Variants in NCKAP5 observed in about 807,000 individuals in gnomAD.
NCKAP5 encodes the protein nck-associated protein 5.
A neutral mutation model predicts 167.0 loss-of-function variants in NCKAP5; 92 were observed. The ratio of observed to expected loss-of-function variants is 0.55; its 90% CI spans 0.47 to 0.66. The LOEUF (loss-of-function observed/expected upper bound fraction) is 0.66. Among genes scored for constraint, NCKAP5 ranks in the 30% least tolerant of loss-of-function variants. The pLI is 0.00. For synonymous variants in NCKAP5, 891 were observed against 877.4 expected (o/e 1.02, Z -0.27); for missense variants, 2,378 against 2,315.0 (o/e 1.03, Z -0.56).
intron 5 of NCKAP5, among the ~76,000 whole-genome samples, chr2:133,144,120 C>T (rs936914529): frequency 6.6e-5 from 10 of 151,998 alleles, no homozygotes; most frequent in Non-Finnish European, 1.3e-4. Flanking sequence ...CTTGTTAGGC[C>T]AAGATTATCA....
chr2:133,181,929 G>C (rs2084757487), intron 5 of NCKAP5, among the ~76,000 whole-genome samples: 1 of 152,116 alleles, frequency 6.6e-6, no homozygotes, highest in African/African-American at 2.4e-5. Flanking sequence ...GACGAAAAAA[G>C]ATATATCACA....
At chr2:132,952,974 C>A (rs1267231520) in intron 8 of NCKAP5, among the ~76,000 whole-genome samples, 4 of 152,180 alleles carry the variant, frequency 2.6e-5, no homozygotes, top group Non-Finnish European at 2.9e-5. Flanking sequence ...GTTAAGAACA[C>A]CTCTAAACTG....
intron 3 of NCKAP5, among the ~76,000 whole-genome samples, chr2:133,476,681 A>G (rs2151300499): frequency 6.6e-6 from 1 of 152,350 alleles, no homozygotes; most frequent in East Asian, 1.9e-4. Flanking sequence ...AGGCAAAATT[A>G]TGTTTTAAAA....
At chr2:133,674,320 A>T in the NCKAP5 span, among the ~76,000 whole-genome samples, 3 of 152,336 alleles carry the variant, frequency 2.0e-5, 1 homozygote. Flanking sequence ...AAATTAAAAT[A>T]AAAATTAATC....
intron 4 of NCKAP5, among the ~76,000 whole-genome samples, chr2:133,234,724 G>A (rs1176005890): frequency 1.3e-5 from 2 of 151,992 alleles, no homozygotes; most frequent in African/African-American, 4.8e-5. Context: ...GTTCATCCTA[G>A]AGGGTGACAA....
chr2:133,196,340 G>C (rs1417169330), intron 5 of NCKAP5, among the ~76,000 whole-genome samples: 1 of 152,158 alleles, frequency 6.6e-6, no homozygotes, highest in African/African-American at 2.4e-5. Context: ...CTGGTGGCTG[G>C]GGATGGGTCA....
chr2:132,763,875 G>C (rs752251494), intron 16 of NCKAP5, among the ~76,000 whole-genome samples: 1 of 152,106 alleles, frequency 6.6e-6, no homozygotes, highest in Non-Finnish European at 1.5e-5. Context: ...ATTCCTCTTT[G>C]TATGCCCCGA....
chr2:133,263,939 A>G (rs2089047883), intron 4 of NCKAP5, among the ~76,000 whole-genome samples: 1 of 152,204 alleles, frequency 6.6e-6, no homozygotes, highest in Non-Finnish European at 1.5e-5. Context: ...AGAAAGTAAC[A>G]TCATTGCCTA....
chr2:132,750,491 G>T (rs1680020154), intron 16 of NCKAP5, among the ~76,000 whole-genome samples: 1 of 152,140 alleles, frequency 6.6e-6, no homozygotes, highest in Non-Finnish European at 1.5e-5. Flanking sequence ...CATTGAAGAA[G>T]CTTCTCATTT....
intron 3 of NCKAP5, among the ~76,000 whole-genome samples, chr2:133,491,877 T>C (rs1681479280): frequency 6.6e-6 from 1 of 152,232 alleles, no homozygotes; most frequent in South Asian, 2.1e-4. Context: ...TTTGTTTATT[T>C]CTGTTGACAG....
At chr2:133,043,338 T>C (rs1418403352) in intron 6 of NCKAP5, among the ~76,000 whole-genome samples, 1 of 152,208 alleles carries the variant, frequency 6.6e-6, no homozygotes, top group Non-Finnish European at 1.5e-5. Context: ...GGGTCAAACA[T>C]GTTCTTGAAC....
intron 16 of NCKAP5, among the ~76,000 whole-genome samples, chr2:132,770,335 TTAA>T (rs1425381278): frequency 6.7e-5 from 10 of 149,060 alleles, no homozygotes; most frequent in African/African-American, 2.4e-4. Context: ...GATGATTTTA[TTAA>T]TAATTAATAT....
At chr2:132,790,283 G>A (rs185873951) in intron 12 of NCKAP5, 78 bp from the exon 13 acceptor site, 4 of 1,304,126 alleles carry the variant, frequency 3.1e-6, no homozygotes, top group East Asian at 2.5e-5. Flanking sequence ...TGGTGAGGTA[G>A]ATGGGAATAC....
At chr2:132,924,708 C>T (rs1695713909) in intron 8 of NCKAP5, among the ~76,000 whole-genome samples, 1 of 152,042 alleles carries the variant, frequency 6.6e-6, no homozygotes, top group Admixed American at 6.5e-5. Context: ...ACATATACAT[C>T]AGGGATTTCA....
chr2:132,966,104 T>C (rs1050633130), intron 7 of NCKAP5, among the ~76,000 whole-genome samples: 1 of 152,128 alleles, frequency 6.6e-6, no homozygotes, highest in Non-Finnish European at 1.5e-5. Context: ...TTACACAAAC[T>C]TCCTTTATTT....
intron 5 of NCKAP5, among the ~76,000 whole-genome samples, chr2:133,175,507 C>CT (rs1347142794): frequency 6.6e-6 from 1 of 152,100 alleles, no homozygotes; most frequent in African/African-American, 2.4e-5. Context: ...ATGTACTGTT[C>CT]TTCACAGTGA....
intron 5 of NCKAP5, among the ~76,000 whole-genome samples, chr2:133,159,850 GT>G (rs1294726540): frequency 6.6e-6 from 1 of 152,140 alleles, no homozygotes; most frequent in Non-Finnish European, 1.5e-5. Context: ...TAGTCCAATA[GT>G]ACACATAATG....
intron 4 of NCKAP5, among the ~76,000 whole-genome samples, chr2:133,297,095 C>T (rs911224946): frequency 6.6e-6 from 1 of 151,842 alleles, no homozygotes; most frequent in Admixed American, 6.6e-5. Flanking sequence ...ATTAACTTTT[C>T]ACATTAGAAC....
In NCKAP5 at chr2:132,986,731, T is replaced by C. The variant is rs902995386; in HGVS notation, c.429+7421A>G. On this transcript the variant is annotated intron_variant, in intron 7 of 19. Transcript: ENST00000409261. Reference sequence around the variant, plus strand: ...AATATAATTTTTCAACCCTAACTTTTCTCTCCAGTGTATTTAAATTTTGGA... The same window carrying C: ...AATATAATTTTTCAACCCTAACTTTCCTCTCCAGTGTATTTAAATTTTGGA... Among the ~76,000 whole-genome samples the C allele has an allele frequency of 2.0e-5, 3 of 152,224 alleles. No individual in the cohort carries two copies. In the East Asian group the frequency reaches 5.8e-4, roughly 29 times the overall value.
Sources: gnomAD v4.1 joint callset for allele counts (sites outside exome capture counted in the v4.1 genomes callset) on GRCh38, gnomAD v4.1.1 for gene constraint, MANE v1.5 for transcripts, NCBI Gene and HGNC (gene_info 2026-07-23, HGNC 2026-07-21) for gene names.